The following PTPRE variants were observed in gnomAD, a reference collection of about 807,000 sequenced individuals.
PTPRE encodes receptor-type tyrosine-protein phosphatase epsilon.
A neutral mutation model predicts 102.0 loss-of-function variants in PTPRE; 51 were observed. That is an observed-to-expected ratio of 0.50 (90% CI 0.40 to 0.63). The LOEUF is 0.63. Ranked by LOEUF, PTPRE falls within the 30% of genes least tolerant of loss-of-function variation. The pLI, the probability that PTPRE is intolerant of heterozygous loss-of-function variation, is 0.00. For synonymous variants in PTPRE, 345 were observed against 348.2 expected (o/e 0.99, Z 0.10); for missense variants, 752 against 915.1 (o/e 0.82, Z 2.30).
chr10:128,083,592 T>G lies in PTPRE; in HGVS notation c.*686T>G, dbSNP rs1851891786. On this transcript the variant is annotated 3_prime_UTR_variant, in exon 21 of 21. Coordinates refer to ENST00000254667, the MANE Select transcript of PTPRE (RefSeq NM_006504.6). ...GAGAAGAGATGTAAATGCTGGGTGGTCCCGTTGACCCACGGCGTTGGGTAC... is the reference window on the plus strand; with the variant it reads ...GAGAAGAGATGTAAATGCTGGGTGGGCCCGTTGACCCACGGCGTTGGGTAC... 1 of 152,176 alleles carries G rather than the reference T, an allele frequency of 6.6e-6. No homozygotes were observed. 9.4% of individuals were successfully genotyped at this position (152,176 alleles called of 1,614,324 possible). A position where few individuals can be genotyped will look rare whatever the true frequency, so the allele number is the denominator to read the frequency against.
At chr10:127,959,768 G>A (rs1849665008) in intron 1 of PTPRE, among the ~76,000 whole-genome samples, 1 of 152,146 alleles carries the variant, frequency 6.6e-6, no homozygotes, top group South Asian at 2.1e-4. Context: ...TTGTCTCCTT[G>A]TCTCTTTAAT....
Position 127,961,848 on chromosome 10 carries a change from C to T in PTPRE, c.-30-20426C>T, listed in dbSNP as rs115925271. Among the ~76,000 whole-genome samples, 1,020 of 152,134 alleles carry T rather than the reference C, an allele frequency of 6.7e-3. 13 individuals carry two copies. Among genetic ancestry groups the T allele is most frequent in the African/African-American group, 0.023 (950 of 41,498 alleles). ...CTCATGCTCTGCCGCCAGGACTAGC[C>T]GGGCCGGGTACCCCTGGGGTACTCC... On this transcript the variant is annotated intron_variant, in intron 1 of 20. Coordinates refer to ENST00000254667, the MANE Select transcript of PTPRE (RefSeq NM_006504.6).
At chr10:128,074,085 A>G (rs571015924) in intron 17 of PTPRE, among the ~76,000 whole-genome samples, 115 of 152,202 alleles carry the variant, frequency 7.6e-4, no homozygotes, top group Non-Finnish European at 1.6e-3. Context: ...GTCACTCCCC[A>G]TTCCTTCCTT....
intron 7 of PTPRE, 106 bp from the exon 8 acceptor site, chr10:128,060,833 C>A: frequency 8.9e-7 from 1 of 1,117,920 alleles, no homozygotes; most frequent in East Asian, 2.5e-5. Context: ...TTGCCCTTCC[C>A]AGGAGCTGAC....
intron 1 of PTPRE, among the ~76,000 whole-genome samples, chr10:127,910,908 A>G (rs2135126915): frequency 6.6e-6 from 1 of 152,160 alleles, no homozygotes; most frequent in East Asian, 1.9e-4. Flanking sequence ...ACATGATGGA[A>G]CTCTGTACCA....
At chr10:128,011,718 G>T (rs1845028479) in intron 2 of PTPRE, among the ~76,000 whole-genome samples, 1 of 152,216 alleles carries the variant, frequency 6.6e-6, no homozygotes, top group Non-Finnish European at 1.5e-5. Context: ...GTCCTGTTGG[G>T]CTGTGAGCAT....
chr10:128,012,294 T>C (rs1845084989), intron 2 of PTPRE, among the ~76,000 whole-genome samples: 1 of 152,188 alleles, frequency 6.6e-6, no homozygotes, highest in Non-Finnish European at 1.5e-5. Context: ...TTTAGGGCAA[T>C]AAAATGCTCC....
intron 7 of PTPRE, 111 bp downstream of exon 7, chr10:128,056,324 T>A (rs1013372508): frequency 1.2e-6 from 1 of 842,458 alleles, no homozygotes; most frequent in Admixed American, 2.0e-5. Flanking sequence ...AGGCCCCAAA[T>A]CAGTCTAACT....
At chr10:127,975,517 A>G (rs1589878468) in intron 1 of PTPRE, among the ~76,000 whole-genome samples, 1 of 152,158 alleles carries the variant, frequency 6.6e-6, no homozygotes, top group East Asian at 1.9e-4. Context: ...GAGTGTCAAG[A>G]TCATCACCAA....
intron 16 of PTPRE, among the ~76,000 whole-genome samples, chr10:128,072,950 G>A (rs1275653067): frequency 6.6e-6 from 1 of 152,218 alleles, no homozygotes; most frequent in Non-Finnish European, 1.5e-5. Context: ...GCAGCCAAGT[G>A]TGTGTTCATA....
intron 11 of PTPRE, 133 bp downstream of exon 11, chr10:128,066,327 T>C (rs912889541): frequency 1.2e-5 from 17 of 1,420,320 alleles, no homozygotes; most frequent in Non-Finnish European, 1.5e-5. Context: ...GCTGAGAGGG[T>C]GCAGTGGCCA....
chr10:128,079,649 C>G lies in PTPRE; in HGVS notation c.1982C>G (p.Ala661Gly). The G allele has an allele frequency of 6.2e-7, 1 of 1,613,982 alleles. No individual in the cohort carries two copies. ...GAGGGACTTTTAGATGTATTTCAAG[C>G]TGTGAAGAGTTTACGACTTCAGAGA... ...KAEGLLDVFQ[A>G]VKSLRLQRPH... The change falls in exon 20 of 21, where the codon GCT becomes GGT. Residue 661 changes from alanine to glycine, a missense_variant. Transcript: ENST00000254667.
At chr10:127,986,995 C>A (rs190562258) in intron 2 of PTPRE, among the ~76,000 whole-genome samples, 5 of 152,196 alleles carry the variant, frequency 3.3e-5, no homozygotes. Flanking sequence ...CAAGCCACAG[C>A]GACAAATTAT....
chr10:127,994,172 C>T (rs368142616), intron 2 of PTPRE, among the ~76,000 whole-genome samples: 8 of 152,314 alleles, frequency 5.3e-5, no homozygotes, highest in South Asian at 2.1e-4. Context: ...CTCGTGTTCC[C>T]GAAGCCCACC....
intron 1 of PTPRE, among the ~76,000 whole-genome samples, chr10:127,957,927 G>A (rs1849521230): frequency 6.6e-6 from 1 of 152,104 alleles, no homozygotes; most frequent in South Asian, 2.1e-4. Context: ...TTTATGCCTA[G>A]GTATTTCATA....
intron 2 of PTPRE, among the ~76,000 whole-genome samples, chr10:128,023,749 G>C (rs1846098895): frequency 6.6e-6 from 1 of 152,224 alleles, no homozygotes; most frequent in African/African-American, 2.4e-5. Flanking sequence ...GACTGCAAAA[G>C]TATTGAGGGC....
At chr10:127,941,929 C>G (rs950650210) in intron 1 of PTPRE, among the ~76,000 whole-genome samples, 3 of 152,132 alleles carry the variant, frequency 2.0e-5, no homozygotes, top group Admixed American at 6.5e-5. Flanking sequence ...GTTGGGCAAC[C>G]CTTGATCTCA....
At chr10:127,998,168 T>C (rs2135540219) in intron 2 of PTPRE, 1 of 152,348 alleles carries the variant, frequency 6.6e-6, no homozygotes, top group African/African-American at 2.4e-5. Flanking sequence ...CTGTCTGCAG[T>C]AGAGATGGTT....
intron 12 of PTPRE, 47 bp from the exon 13 acceptor site, chr10:128,069,645 C>A (rs774940136): frequency 6.2e-7 from 1 of 1,609,438 alleles, no homozygotes; most frequent in Non-Finnish European, 8.5e-7. Flanking sequence ...TCATTTACTT[C>A]GGGAGGAGTG....
Sources: gnomAD v4.1 joint callset for allele counts (sites outside exome capture counted in the v4.1 genomes callset) on GRCh38, gnomAD v4.1.1 for gene constraint, MANE v1.5 for transcripts, NCBI Gene and HGNC (gene_info 2026-07-23, HGNC 2026-07-21) for gene names.